STK3: variants seen among roughly 807,000 people sequenced by gnomAD.
The protein encoded by STK3 is serine/threonine kinase 3.
A neutral mutation model predicts 58.0 loss-of-function variants in STK3; 41 were observed. The ratio of observed to expected loss-of-function variants is 0.71; its 90% CI spans 0.55 to 0.92. The LOEUF (loss-of-function observed/expected upper bound fraction) is 0.92, where lower values mean the gene tolerates loss of function less well. STK3 is among the 40% of genes least tolerant of loss of function. The pLI is 0.00. For missense variants in STK3, 479 were observed against 602.7 expected, an observed-to-expected ratio of 0.79 and a Z score of 2.15; for synonymous variants, 170 against 191.0, an observed-to-expected ratio of 0.89 and a Z score of 0.91.
intron 1 of STK3, among the ~76,000 whole-genome samples, chr8:98,804,793 A>G (rs1324367513): frequency 6.6e-6 from 1 of 152,208 alleles, no homozygotes; most frequent in Non-Finnish European, 1.5e-5. Context: ...TCACTATGCC[A>G]TATTACATAA....
chr8:98,607,945 G>C (rs1816900578), intron 6 of STK3, among the ~76,000 whole-genome samples: 1 of 152,048 alleles, frequency 6.6e-6, no homozygotes, highest in Admixed American at 6.5e-5. Context: ...ACAAATACAT[G>C]ACATTACCCG....
Position 98,707,224 on chromosome 8 carries a change from T to A in STK3, c.439A>T (p.Ile147Leu). 6.2e-7 allele frequency: 1 copy of A among 1,610,356 alleles called. No individual in the cohort carries two copies. Among genetic ancestry groups the A allele is most frequent in the Non-Finnish European group, 8.5e-7 (1 of 1,178,358 alleles). Residue 147 changes from isoleucine to leucine, a missense_variant, in exon 5 of 11, where the codon ATA becomes TTA. Physicochemically the swap from Ile to Leu is conservative, Grantham distance 5. This residue lies in a region of STK3 where 126 missense variants were observed against 210.1 expected (regional missense o/e 0.60). Transcript: ENST00000419617. ...LHFMRKIHRD[I>L]KAGNILLNTE... Reference sequence around the variant, plus strand: ...TTGAGGAGAATATTTCCAGCTTTTATATCTCTGTGTATTTTTCTCATAAAG... The same window carrying A: ...TTGAGGAGAATATTTCCAGCTTTTAAATCTCTGTGTATTTTTCTCATAAAG...
At chr8:98,831,150 G>A (rs1037755920) in intron 3 of STK3, among the ~76,000 whole-genome samples, 13 of 152,068 alleles carry the variant, frequency 8.5e-5, no homozygotes, top group African/African-American at 3.1e-4. Context: ...CAGTGCCTTT[G>A]AATAACAAAA....
chr8:98,790,072 C>T (rs1281603188), intron 1 of STK3, among the ~76,000 whole-genome samples: 1 of 147,128 alleles, frequency 6.8e-6, no homozygotes, highest in Non-Finnish European at 1.5e-5. Flanking sequence ...AGATTCACAG[C>T]AGAAGCAGAA....
chr8:98,771,011 A>C (rs1831285225), intron 2 of STK3, among the ~76,000 whole-genome samples: 2 of 152,170 alleles, frequency 1.3e-5, no homozygotes, highest in South Asian at 4.1e-4. Flanking sequence ...TCTGGAGGGG[A>C]GGAGGTGAAA....
chr8:98,844,506 C>T (rs1836120750), intron 3 of STK3, among the ~76,000 whole-genome samples: 1 of 151,942 alleles, frequency 6.6e-6, no homozygotes, highest in African/African-American at 2.4e-5. Context: ...GGCTCTGTTG[C>T]CCAAGCAGAA....
intron 4 of STK3, among the ~76,000 whole-genome samples, chr8:98,710,747 T>C (rs2131099460): frequency 6.6e-6 from 1 of 152,296 alleles, no homozygotes; most frequent in South Asian, 2.1e-4. Flanking sequence ...AGCAGAAACG[T>C]CTGCAGACTT....
intron 1 of STK3, among the ~76,000 whole-genome samples, chr8:98,933,963 T>C (rs998068701): frequency 6.6e-6 from 1 of 152,248 alleles, no homozygotes; most frequent in African/African-American, 2.4e-5. Context: ...CACACTTATC[T>C]TTAGAGATTG....
intron 1 of STK3, among the ~76,000 whole-genome samples, chr8:98,896,098 T>A (rs1333152890): frequency 6.6e-6 from 1 of 152,150 alleles, no homozygotes; most frequent in African/African-American, 2.4e-5. Flanking sequence ...CCTGAAATAG[T>A]TCTTTATTAG....
intron 10 of STK3, among the ~76,000 whole-genome samples, chr8:98,517,967 A>G (rs561084200): frequency 1.3e-5 from 2 of 152,226 alleles, no homozygotes; most frequent in East Asian, 3.9e-4. Context: ...TAGCCACAAC[A>G]TATGCTTGGA....
intron 10 of STK3, among the ~76,000 whole-genome samples, chr8:98,509,308 C>T (rs1253852778): frequency 6.6e-6 from 1 of 151,910 alleles, no homozygotes; most frequent in African/African-American, 2.4e-5. Context: ...AGAAATTACA[C>T]TTATAATTTA....
intron 4 of STK3, among the ~76,000 whole-genome samples, chr8:98,725,774 C>T (rs545760022): frequency 1.9e-4 from 29 of 152,032 alleles, no homozygotes; most frequent in African/African-American, 7.0e-4. Context: ...TAAAAAGTGG[C>T]AATTTACATT....
chr8:98,353,510 T>G, the STK3 span, among the ~76,000 whole-genome samples: 1 of 151,664 alleles, frequency 6.6e-6, no homozygotes, highest in Non-Finnish European at 1.5e-5. Flanking sequence ...ATAATAATAG[T>G]AAGGTATATA....
chr8:98,363,366 G>C, the STK3 span, among the ~76,000 whole-genome samples: 1 of 152,164 alleles, frequency 6.6e-6, no homozygotes, highest in East Asian at 1.9e-4. Flanking sequence ...AAATCACTTC[G>C]CAGAATAACA....
At chr8:98,513,507 T>C (rs1824688169) in intron 10 of STK3, among the ~76,000 whole-genome samples, 1 of 152,166 alleles carries the variant, frequency 6.6e-6, no homozygotes, top group Admixed American at 6.6e-5. Flanking sequence ...GAGTAGAATT[T>C]AGCCTGCTGA....
At chr8:98,655,809 T>C (rs1463786109) in intron 6 of STK3, among the ~76,000 whole-genome samples, 2 of 152,120 alleles carry the variant, frequency 1.3e-5, no homozygotes, top group South Asian at 2.1e-4. Flanking sequence ...CCAGTTAGAA[T>C]GGCGATCATT....
intron 3 of STK3, among the ~76,000 whole-genome samples, chr8:98,407,805 A>G (rs1818013431): frequency 6.6e-6 from 1 of 151,690 alleles, no homozygotes; most frequent in South Asian, 2.1e-4. Flanking sequence ...CTTAGCCTCC[A>G]GGCTGATTGA....
chr8:98,400,285 G>A (rs756606298), downstream of STK3, among the ~76,000 whole-genome samples: 3 of 152,222 alleles, frequency 2.0e-5, no homozygotes, highest in Non-Finnish European at 2.9e-5. Context: ...AAGCCCGTGA[G>A]CCCTGGACTC....
upstream of STK3, among the ~76,000 whole-genome samples, chr8:98,389,832 T>C (rs938406920): frequency 2.0e-5 from 3 of 151,292 alleles, no homozygotes; most frequent in African/African-American, 7.3e-5. Context: ...GGAAGAGGAA[T>C]TGTTGCCTCC....
Sources: gnomAD v4.1 joint callset for allele counts (sites outside exome capture counted in the v4.1 genomes callset) on GRCh38, gnomAD v4.1.1 for gene constraint, gnomAD v4.1.1 regional missense constraint, MANE v1.5 for transcripts, NCBI Gene and HGNC (gene_info 2026-07-23, HGNC 2026-07-21) for gene names.